CCSER1: variants seen among roughly 807,000 people sequenced by gnomAD.
CCSER1 encodes the protein serine-rich coiled-coil domain-containing protein 1.
CCSER1 carries 41 observed loss-of-function variants against 82.0 expected under a neutral mutation model. That is an observed-to-expected ratio of 0.50 (90% CI 0.39 to 0.65). The LOEUF is 0.65. Among genes scored for constraint, CCSER1 ranks in the 30% least tolerant of loss-of-function variants. CCSER1 has a pLI of 0.00. For missense variants in CCSER1, 1,119 were observed against 1,064.2 expected, an observed-to-expected ratio of 1.05 and a Z score of -0.72; for synonymous variants, 414 against 383.9, an observed-to-expected ratio of 1.08 and a Z score of -0.92.
chr4:90,706,799 G>C (rs1354139657), intron 6 of CCSER1, among the ~76,000 whole-genome samples: 1 of 152,172 alleles, frequency 6.6e-6, no homozygotes, highest in Non-Finnish European at 1.5e-5. Context: ...ATTGTAAATT[G>C]ATTAGCTTGT....
intron 3 of CCSER1, among the ~76,000 whole-genome samples, chr4:90,335,146 A>C (rs1740145277): frequency 6.6e-6 from 1 of 152,206 alleles, no homozygotes; most frequent in South Asian, 2.1e-4. Flanking sequence ...TCTAAAAGAC[A>C]CTGGACATGA....
intron 1 of CCSER1, among the ~76,000 whole-genome samples, chr4:90,226,390 C>G (rs542748726): frequency 1.1e-4 from 16 of 152,170 alleles, no homozygotes; most frequent in Non-Finnish European, 2.9e-5. Flanking sequence ...TCTATCATAC[C>G]TATGCCCGTC....
rs189122967 is a variant in CCSER1, at chr4:90,629,315, A to T, written c.1932+1083A>T. Among the ~76,000 whole-genome samples the T allele has an allele frequency of 2.0e-5, 3 of 152,324 alleles. No homozygotes were observed. The East Asian group carries it at 5.8e-4, about 29-fold the overall frequency. ...CTGTTCTTACACTGCTAATAAAGAC[A>T]TACCTGAGGCTAGGTAATTTATAAA... On this transcript the variant is annotated intron_variant, in intron 6 of 10. Coordinates refer to ENST00000509176, the MANE Select transcript of CCSER1 (RefSeq NM_001145065.2).
At position 91,164,721 on chromosome 4, in the gene CCSER1, T is replaced by C. The variant is rs1178822925; in HGVS notation, c.2217+78727T>C. On this transcript the variant is annotated intron_variant, in intron 10 of 10. Transcript: ENST00000509176. ...ATACCCTTTCTTCCACTTGATTGAATTGGCTTTTGAAGGTTGTGCATGCAT... is the reference window on the plus strand; with the variant it reads ...ATACCCTTTCTTCCACTTGATTGAACTGGCTTTTGAAGGTTGTGCATGCAT... Among the ~76,000 whole-genome samples, 3 of 152,222 alleles carry C rather than the reference T, an allele frequency of 2.0e-5. No individual in the cohort carries two copies. The East Asian group carries it at 5.8e-4, about 29-fold the overall frequency.
At chr4:91,469,605 C>G (rs1032822191) in intron 10 of CCSER1, among the ~76,000 whole-genome samples, 1 of 152,142 alleles carries the variant, frequency 6.6e-6, no homozygotes, top group Non-Finnish European at 1.5e-5. Context: ...AACCTAAGCC[C>G]TGGAGAACTT....
At chr4:91,419,221 G>C (rs926376779) in intron 10 of CCSER1, among the ~76,000 whole-genome samples, 2 of 151,900 alleles carry the variant, frequency 1.3e-5, no homozygotes, top group African/African-American at 4.8e-5. Flanking sequence ...AATACTAGAA[G>C]TCTTAGCCAG....
At chr4:90,636,448 T>G (rs1324199276) in intron 6 of CCSER1, among the ~76,000 whole-genome samples, 1 of 151,974 alleles carries the variant, frequency 6.6e-6, no homozygotes, top group Non-Finnish European at 1.5e-5. Context: ...ATTACAGAAT[T>G]TTTTTATAAA....
chr4:90,318,431 C>A (rs1736550874), intron 3 of CCSER1, among the ~76,000 whole-genome samples: 1 of 152,140 alleles, frequency 6.6e-6, no homozygotes, highest in South Asian at 2.1e-4. Flanking sequence ...TCATTTATGG[C>A]CAATTTTACT....
At chr4:90,150,926 T>G (rs1251764980) in intron 1 of CCSER1, among the ~76,000 whole-genome samples, 5 of 152,208 alleles carry the variant, frequency 3.3e-5, no homozygotes, top group Non-Finnish European at 7.4e-5. Flanking sequence ...AGTTGGAGTT[T>G]ATTTAAAATA....
At chr4:91,546,895 G>T (rs1445993435) in intron 10 of CCSER1, among the ~76,000 whole-genome samples, 2 of 150,146 alleles carry the variant, frequency 1.3e-5, no homozygotes, top group Non-Finnish European at 1.5e-5. Flanking sequence ...TGTTTTCTCT[G>T]CATCCCACAA....
intron 1 of CCSER1, among the ~76,000 whole-genome samples, chr4:90,183,025 A>G (rs969576905): frequency 4.6e-5 from 7 of 152,018 alleles, no homozygotes; most frequent in African/African-American, 1.4e-4. Context: ...TATCTCCTCA[A>G]TTTTCTCAAT....
Position 91,588,965 on chromosome 4 carries a change from C to T in CCSER1, c.2218-9607C>T, listed in dbSNP as rs1040739198. Among the ~76,000 whole-genome samples, 13 of 151,806 alleles carry T rather than the reference C, an allele frequency of 8.6e-5. No homozygotes were observed. In the East Asian group the frequency reaches 1.2e-3, roughly 14 times the overall value. ...TAAATTGGGATAGTTTGTATGAAAG[C>T]CATTTATAATATTTTACAGTATATG... On this transcript the variant is annotated intron_variant, in intron 10 of 10. Transcript: ENST00000509176.
rs890978537 is a variant in CCSER1 at position 90,155,476 on chromosome 4, C to G, written c.-42+27645C>G. ...ATGGTACCAGTTCCTCCTTGTACCT[C>G]TGGTAGAATTCAGCTGTGAATCCAT... is the stretch of plus-strand genomic sequence containing the variant. On this transcript the variant is annotated intron_variant, in intron 1 of 10. Transcript: ENST00000509176. Among the ~76,000 whole-genome samples, 43 of 152,250 alleles carry G rather than the reference C, an allele frequency of 2.8e-4. 1 individual carries two copies. Among genetic ancestry groups the G allele is most frequent in the African/African-American group, 9.9e-4 (41 of 41,552 alleles).
chr4:91,050,504 A>G (rs1742912031), intron 9 of CCSER1, among the ~76,000 whole-genome samples: 1 of 152,160 alleles, frequency 6.6e-6, no homozygotes, highest in Non-Finnish European at 1.5e-5. Context: ...TCCATTTAAA[A>G]TAGTACTTAC....
chr4:90,260,882 A>AT (rs1724209655), intron 1 of CCSER1, among the ~76,000 whole-genome samples: 1 of 151,874 alleles, frequency 6.6e-6, no homozygotes, highest in Non-Finnish European at 1.5e-5. Context: ...CACCTGGCTA[A>AT]TTTTTCTATT....
intron 10 of CCSER1, among the ~76,000 whole-genome samples, chr4:91,277,016 G>A (rs992919680): frequency 2.6e-5 from 4 of 151,998 alleles, no homozygotes; most frequent in Admixed American, 2.0e-4. Context: ...CTTGATCATG[G>A]TGTATTATAT....
intron 1 of CCSER1, among the ~76,000 whole-genome samples, chr4:90,128,210 G>C (rs1180481965): frequency 6.6e-6 from 1 of 152,120 alleles, no homozygotes; most frequent in Non-Finnish European, 1.5e-5. Flanking sequence ...CGCCACTCGC[G>C]TCCCGCAGGT....
chr4:91,257,973 G>A (rs1229204968), intron 10 of CCSER1, among the ~76,000 whole-genome samples: 12 of 152,014 alleles, frequency 7.9e-5, no homozygotes, highest in Admixed American at 6.6e-5. Flanking sequence ...AACGATTAAC[G>A]ACTTCACTTT....
intron 5 of CCSER1, among the ~76,000 whole-genome samples, chr4:90,592,043 A>G (rs764469734): frequency 1.3e-5 from 2 of 151,988 alleles, no homozygotes; most frequent in African/African-American, 2.4e-5. Flanking sequence ...GCAGGATGGG[A>G]GCAAGGGGAC....
Sources: gnomAD v4.1 joint callset for allele counts (sites outside exome capture counted in the v4.1 genomes callset) on GRCh38, gnomAD v4.1.1 for gene constraint, MANE v1.5 for transcripts, NCBI Gene and HGNC (gene_info 2026-07-23, HGNC 2026-07-21) for gene names.